Variants in MYZAP observed in about 807,000 individuals in gnomAD.
The protein encoded by MYZAP is GRINL1A complex locus upstream.
MYZAP carries 66 observed loss-of-function variants against 69.4 expected under a neutral mutation model. That is an observed-to-expected ratio of 0.95 (90% CI 0.78 to 1.17). MYZAP has a LOEUF of 1.17. Ranked by LOEUF, MYZAP falls within the 50% of genes most tolerant of loss-of-function variation. The probability of loss-of-function intolerance (pLI) is 0.00; values close to 1 mark genes in which losing one functional copy is unlikely to be tolerated. For synonymous variants in MYZAP, 256 were observed against 205.9 expected (o/e 1.24, Z -2.09); for missense variants, 611 against 556.2 (o/e 1.10, Z -0.99).
intron 2 of MYZAP, among the ~76,000 whole-genome samples, chr15:57,608,172 G>A (rs4774973): frequency 0.3 from 46,219 of 152,116 alleles, 7,195 homozygotes; most frequent in East Asian, 0.37. Flanking sequence ...AGCCGCACAT[G>A]ATGAGGGCAG....
intron 5 of MYZAP, among the ~76,000 whole-genome samples, chr15:57,626,648 A>G (rs914001633): frequency 1.3e-5 from 2 of 152,186 alleles, no homozygotes; most frequent in Admixed American, 6.5e-5. Context: ...TCTCCTCCAA[A>G]TTTATTTGGC....
intron 10 of MYZAP, among the ~76,000 whole-genome samples, chr15:57,654,122 C>T (rs867182245): frequency 6.9e-5 from 10 of 144,524 alleles, no homozygotes; most frequent in Non-Finnish European, 1.5e-4. Context: ...TTCATTCTGA[C>T]ATGGGTTTCA....
chr15:57,633,737 A>G lies in MYZAP; in HGVS notation c.929A>G (p.Glu310Gly), dbSNP rs746193755. Reference sequence around the variant, plus strand: ...CTGGACAGGCTGATTGAGCGCATGGAAAAGGTAGGACACAGCGTTGGGCCT... The same window carrying G: ...CTGGACAGGCTGATTGAGCGCATGGGAAAGGTAGGACACAGCGTTGGGCCT... The part of the protein sequence containing the change: ...GELDRLIERM[E>G]KERHQLQLQL... The change falls in exon 8 of 13, where the codon GAA (glutamate) becomes GGA (glycine). Residue 310 changes from glutamate (E) to glycine (G), a missense_variant. By Grantham distance (98) the Glu-to-Gly change is moderately conservative (BLOSUM62 -2). Transcript: ENST00000267853. 1.2e-6 allele frequency: 2 copies of G among 1,605,390 alleles called. No homozygotes were observed. Among genetic ancestry groups the G allele is most frequent in the South Asian group, 1.1e-5 (1 of 88,634 alleles).
chr15:57,638,651 TG>T (rs1292835399), intron 9 of MYZAP, among the ~76,000 whole-genome samples: 1 of 152,052 alleles, frequency 6.6e-6, no homozygotes, highest in African/African-American at 2.4e-5. Flanking sequence ...GTCCAAGCAA[TG>T]TTGGAGAATA....
At chr15:57,612,530 T>C (rs2035172497) in intron 2 of MYZAP, among the ~76,000 whole-genome samples, 1 of 152,370 alleles carries the variant, frequency 6.6e-6, no homozygotes, top group East Asian at 1.9e-4. Context: ...CATCTATTTA[T>C]GCTGGGTACC....
intron 10 of MYZAP, chr15:57,648,475 A>C (rs530171349): frequency 2.0e-6 from 2 of 985,302 alleles, no homozygotes; most frequent in East Asian, 2.3e-4. Context: ...TTCCAAGGCT[A>C]TGCATATGGA....
chr15:57,635,742 C>T (rs543665949), intron 8 of MYZAP, among the ~76,000 whole-genome samples: 7 of 152,212 alleles, frequency 4.6e-5, no homozygotes, highest in Non-Finnish European at 1.0e-4. Flanking sequence ...TCTCACACTA[C>T]GTGAACGGCA....
chr15:57,646,102 C>A lies in MYZAP; in HGVS notation c.1119+6557C>A, dbSNP rs140107064. The A allele has an allele frequency of 2.4e-6, 3 of 1,272,014 alleles. No individual in the cohort carries two copies. In the African/African-American group the frequency reaches 4.6e-5, roughly 19 times the overall value. 78.8% of individuals were successfully genotyped at this position (1,272,014 alleles called of 1,614,324 possible). The stretch of plus-strand genomic sequence containing the variant: ...GGGAAAGGAGCCATAGCACCAAGCC[C>A]ACAAACCTAATCCACTCAATTGAAC... On this transcript the variant is annotated intron_variant, in intron 10 of 12. Coordinates refer to ENST00000267853, the MANE Select transcript of MYZAP (RefSeq NM_001018100.5).
Position 57,632,341 on chromosome 15 carries a change from C to A in MYZAP, c.679-93C>A, listed in dbSNP as rs2036554311. The A allele has an allele frequency of 1.6e-5, 25 of 1,575,058 alleles. 1 individual carries two copies. Among genetic ancestry groups the A allele is most frequent in the Middle Eastern group, 3.9e-4 (2 of 5,186 alleles). ...CAGAACCCAGTGGATGGGCTCACTA[C>A]CTCTGTGAGTCCCCACATGAAATGT... On this transcript the variant is annotated intron_variant, in intron 6 of 12. Coordinates refer to ENST00000267853, the MANE Select transcript of MYZAP (RefSeq NM_001018100.5).
chr15:57,670,187 A>G (rs1444317056), intron 11 of MYZAP, among the ~76,000 whole-genome samples: 5 of 152,062 alleles, frequency 3.3e-5, no homozygotes, highest in African/African-American at 4.8e-5. Flanking sequence ...TGTCCTATCA[A>G]TTGCCGAGAG....
chr15:57,684,346 A>C, intron 12 of MYZAP, 56 bp from the exon 13 acceptor site: 1 of 1,111,276 alleles, frequency 9.0e-7, no homozygotes, highest in South Asian at 1.3e-5. Context: ...CATGTGAAGC[A>C]TATGGGGGGT....
At chr15:57,643,246 G>A (rs1035268199) in intron 10 of MYZAP, among the ~76,000 whole-genome samples, 8 of 152,174 alleles carry the variant, frequency 5.3e-5, no homozygotes, top group South Asian at 2.1e-4. Context: ...ACCAGCACCC[G>A]CTCCGTGCTG....
chr15:57,641,816 A>AT (rs1271580717), intron 10 of MYZAP, among the ~76,000 whole-genome samples: 1 of 152,212 alleles, frequency 6.6e-6, no homozygotes, highest in African/African-American at 2.4e-5. Context: ...TTTTTTTTAA[A>AT]AGTTAGAAAC....
intron 1 of MYZAP, among the ~76,000 whole-genome samples, chr15:57,601,080 T>G (rs1386753531): frequency 6.6e-6 from 1 of 152,050 alleles, no homozygotes; most frequent in East Asian, 1.9e-4. Flanking sequence ...AGTCTCAAAA[T>G]AAATAAATAA....
At chr15:57,653,141 C>A (rs2037811485) in intron 10 of MYZAP, among the ~76,000 whole-genome samples, 1 of 152,212 alleles carries the variant, frequency 6.6e-6, no homozygotes, top group African/African-American at 2.4e-5. Flanking sequence ...TATTTATTAA[C>A]CTGTGGTTGA....
chr15:57,607,861 G>C (rs1574373), intron 2 of MYZAP, among the ~76,000 whole-genome samples: 76,571 of 151,992 alleles, frequency 0.5, 19,809 homozygotes, highest in Non-Finnish European at 0.58. Context: ...TCCTGGCCAG[G>C]TTCCTGGCAT....
intron 2 of MYZAP, among the ~76,000 whole-genome samples, chr15:57,613,814 A>G (rs1206311021): frequency 1.3e-5 from 2 of 152,234 alleles, no homozygotes; most frequent in Non-Finnish European, 2.9e-5. Context: ...TCCACGCTGT[A>G]TAAGGAAATA....
At chr15:57,630,359 CTGT>C (rs1238493390) in intron 6 of MYZAP, among the ~76,000 whole-genome samples, 17 of 152,294 alleles carry the variant, frequency 1.1e-4, no homozygotes, top group African/African-American at 3.1e-4. Context: ...CACCATGGTG[CTGT>C]TGTTATGTAA....
At chr15:57,640,545 A>G (rs886222251) in intron 10 of MYZAP, among the ~76,000 whole-genome samples, 20 of 152,240 alleles carry the variant, frequency 1.3e-4, no homozygotes, top group Non-Finnish European at 2.1e-4. Flanking sequence ...AATTAAAAGC[A>G]TATCTACTTC....
Sources: allele counts gnomAD v4.1 joint callset (sites outside exome capture counted in the v4.1 genomes callset), GRCh38; gene constraint gnomAD v4.1.1; transcripts MANE v1.5; gene names NCBI Gene and HGNC (gene_info 2026-07-23, HGNC 2026-07-21).